The following NPHP4 variants were observed in gnomAD, a reference collection of about 807,000 sequenced individuals.
NPHP4 encodes the protein nephrocystin 4.
NPHP4 carries 151 observed loss-of-function variants against 155.8 expected under a neutral mutation model. That is an observed-to-expected ratio of 0.97 (90% CI 0.85 to 1.11). The LOEUF (loss-of-function observed/expected upper bound fraction) is 1.11. Ranked by LOEUF, NPHP4 falls within the 50% of genes least tolerant of loss-of-function variation. The pLI is 0.00. For synonymous variants in NPHP4, 845 were observed against 816.8 expected, an observed-to-expected ratio of 1.03 and a Z score of -0.59; for missense variants, 1,956 against 1,925.7, an observed-to-expected ratio of 1.02 and a Z score of -0.29.
rs1053540024 is a variant in NPHP4 at position 5,910,616 on chromosome 1, G to A, written c.1442-1403C>T. On this transcript the variant is annotated intron_variant, in intron 11 of 29. Transcript: ENST00000378156. The surrounding 1 kb of genome is among the most constrained non-coding windows in gnomAD (Gnocchi z 5.4). The stretch of plus-strand genomic sequence containing the variant: ...AGCACAGAGGCCTGTGACGTCAAAC[G>A]CTGGGCACTCTGGATAGAGACTGCT... 1.3e-5 allele frequency among the ~76,000 whole-genome samples: 2 copies of A among 152,166 alleles called. No individual in the cohort carries two copies. Among genetic ancestry groups the A allele is most frequent in the Admixed American group, 6.5e-5 (1 of 15,280 alleles).
intron 9 of NPHP4, among the ~76,000 whole-genome samples, chr1:5,940,594 G>A (rs1315973049): frequency 6.6e-6 from 1 of 152,074 alleles, no homozygotes; most frequent in Non-Finnish European, 1.5e-5. Context: ...TACATAAAAT[G>A]CTAGTAAAAT....
chr1:5,948,330 CAG>C (rs1472920481), intron 7 of NPHP4, 79 bp from the exon 8 acceptor site: 1 of 1,104,880 alleles, frequency 9.1e-7, no homozygotes, highest in African/African-American at 1.6e-5. Flanking sequence ...GGGAGGCGAG[CAG>C]AGAGAAGAAA....
intron 3 of NPHP4, among the ~76,000 whole-genome samples, chr1:5,972,382 C>T (rs1403628488): frequency 1.3e-5 from 2 of 152,160 alleles, no homozygotes; most frequent in African/African-American, 4.8e-5. Flanking sequence ...AGCAAAGCAT[C>T]ATGACAGGGA....
intron 23 of NPHP4, among the ~76,000 whole-genome samples, chr1:5,871,303 G>C (rs1261910093): frequency 6.6e-6 from 1 of 152,194 alleles, no homozygotes; most frequent in African/African-American, 2.4e-5. Flanking sequence ...GGTGGCCTGA[G>C]AGAGGGCAGT....
At chr1:5,870,634 AG>A (rs1229143219) in intron 23 of NPHP4, among the ~76,000 whole-genome samples, 1 of 152,232 alleles carries the variant, frequency 6.6e-6, no homozygotes, top group Admixed American at 6.5e-5. Flanking sequence ...CTGATATTAC[AG>A]GAAAAAAGCA....
chr1:5,921,174 T>C (rs1279224149), intron 11 of NPHP4, among the ~76,000 whole-genome samples: 2 of 152,234 alleles, frequency 1.3e-5, no homozygotes, highest in Admixed American at 6.5e-5. Flanking sequence ...CAACATGCCT[T>C]TGTGAAGGTT....
chr1:5,955,872 C>T (rs952690558), intron 6 of NPHP4, among the ~76,000 whole-genome samples: 40 of 152,124 alleles, frequency 2.6e-4, no homozygotes, highest in African/African-American at 9.7e-4. Flanking sequence ...AGAAGAGCAG[C>T]TAGAAGAGCG....
Position 5,863,996 on chromosome 1 carries a change from C to A in NPHP4, c.4034G>T (p.Gly1345Val). ...GGTGTAGGTGATCCTCTTGTTGACA[C>A]CCTTCCCTTCGCCCGCAGCCAACAT... is the stretch of plus-strand genomic sequence containing the variant. ...EIMLAAGEGK[G>V]VNKRITYTNP... The change falls in exon 29 of 30, where the codon GGT (glycine) becomes GTT (valine). Residue 1345 changes from glycine to valine, a missense_variant. Gly to Val is a moderately radical substitution (Grantham distance 109, BLOSUM62 -3). Coordinates refer to ENST00000378156, the MANE Select transcript of NPHP4 (RefSeq NM_015102.5). 6.2e-7 allele frequency: 1 copy of A among 1,613,754 alleles called. No homozygotes were observed. Among genetic ancestry groups the A allele is most frequent in the South Asian group, 1.1e-5 (1 of 91,040 alleles).
chr1:5,874,434 G>C lies in NPHP4; in HGVS notation c.3231+37C>G, dbSNP rs1346083268. ...CATTCTCAATTTCCCACCGTCATCAGCCAAATGCAACTTCCCTGTGTGCCT... is the reference window on the plus strand; with the variant it reads ...CATTCTCAATTTCCCACCGTCATCACCCAAATGCAACTTCCCTGTGTGCCT... On this transcript the variant is annotated intron_variant, in intron 22 of 29. Transcript: ENST00000378156. The C allele has an allele frequency of 2.7e-6, 4 of 1,479,110 alleles. No homozygotes were observed. The Admixed American group carries it at 9.7e-5, about 36-fold the overall frequency. 91.6% of individuals were successfully genotyped at this position (1,479,110 alleles called of 1,614,324 possible). A position where few individuals can be genotyped will look rare whatever the true frequency, so the allele number is the denominator to read the frequency against.
intron 23 of NPHP4, among the ~76,000 whole-genome samples, chr1:5,869,788 GA>G (rs1238447468): frequency 6.6e-6 from 1 of 152,196 alleles, no homozygotes; most frequent in Non-Finnish European, 1.5e-5. Context: ...ATATACAGAG[GA>G]AATTAGGCAA....
At chr1:5,954,147 AAGAC>A (rs1648739881) in intron 6 of NPHP4, among the ~76,000 whole-genome samples, 1 of 152,216 alleles carries the variant, frequency 6.6e-6, no homozygotes, top group African/African-American at 2.4e-5. Flanking sequence ...AAAATAATCA[AAGAC>A]AGAAGCAAAG....
intron 9 of NPHP4, among the ~76,000 whole-genome samples, chr1:5,938,349 C>T (rs1263499394): frequency 1.3e-5 from 2 of 152,348 alleles, no homozygotes; most frequent in African/African-American, 2.4e-5. Flanking sequence ...GCGTTGGTGC[C>T]TCTACCTCCT....
intron 16 of NPHP4, among the ~76,000 whole-genome samples, chr1:5,896,902 A>T (rs994106759): frequency 6.6e-6 from 1 of 152,186 alleles, no homozygotes; most frequent in African/African-American, 2.4e-5. Flanking sequence ...TCCCGGAATA[A>T]TAATGAGTGC....
In NPHP4 at chr1:5,905,560, G is replaced by C. The variant is rs1462178733; in HGVS notation, c.1763+72C>G. 6.9e-6 allele frequency: 11 copies of C among 1,602,318 alleles called. No homozygotes were observed. The highest frequency in any genetic ancestry group is 6.6e-5 in the South Asian group (6 of 90,522). On this transcript the variant is annotated intron_variant, in intron 14 of 29. Transcript: ENST00000378156. This position sits in a 1 kb window ranked among gnomAD's most constrained non-coding sequence, Gnocchi z 4.0. The stretch of plus-strand genomic sequence containing the variant: ...GATGCACCTCCCTGTGGAAACCCTG[G>C]GGTTCACAAGGTCCAACAGTCTGAC...
chr1:5,949,343 T>TACACACACACACACAC (rs140032819), intron 7 of NPHP4, among the ~76,000 whole-genome samples: 9,160 of 140,768 alleles, frequency 0.065, 377 homozygotes, highest in South Asian at 0.12. Flanking sequence ...TTCACATACA[T>TACACACACACACACAC]ACACACACAC....
chr1:5,929,064 C>A (rs1372340315), intron 10 of NPHP4, among the ~76,000 whole-genome samples: 1 of 152,146 alleles, frequency 6.6e-6, no homozygotes, highest in Non-Finnish European at 1.5e-5. Flanking sequence ...GCTTTGTAAA[C>A]AATACTGTTT....
At position 5,927,798 on chromosome 1, in the gene NPHP4, C is replaced by G. The variant is rs372157198; in HGVS notation, c.1303-11G>C. The G allele has an allele frequency of 6.2e-7, 1 of 1,605,604 alleles. No individual in the cohort carries two copies. Among genetic ancestry groups the G allele is most frequent in the Non-Finnish European group, 8.5e-7 (1 of 1,173,098 alleles). ...CTCCACCTGCTTCACCTGCAATGGA[C>G]CAGAAGAGCAGTGATGGCCACTCCC... On this transcript the variant is annotated splice_polypyrimidine_tract_variant and intron_variant, in intron 10 of 29. Transcript: ENST00000378156.
At chr1:5,933,517 TAG>T (rs1350228740) in intron 9 of NPHP4, among the ~76,000 whole-genome samples, 188 bp from the exon 10 acceptor site, 1 of 152,200 alleles carries the variant, frequency 6.6e-6, no homozygotes, top group East Asian at 1.9e-4. Context: ...GTGCAGACAG[TAG>T]GGCACAGATA....
In NPHP4 at chr1:5,890,954, G is replaced by C; in HGVS notation, c.2218C>G (p.Arg740Gly). ...LKPGERRCFA[R>G]YLAVQTLQID... Reference sequence around the variant, plus strand: ...TGCAGGGTCTGCACGGCCAGGTAGCGGGCAAAGCAGCGCCGCTCACCTGGC... The same window carrying C: ...TGCAGGGTCTGCACGGCCAGGTAGCCGGCAAAGCAGCGCCGCTCACCTGGC... Residue 740 changes from arginine (R) to glycine (G), a missense_variant, in exon 17 of 30, where the codon CGC becomes GGC. Coordinates refer to ENST00000378156, the MANE Select transcript of NPHP4 (RefSeq NM_015102.5). The surrounding 1 kb of genome is among the most constrained non-coding windows in gnomAD (Gnocchi z 4.9). 4 of 1,603,346 alleles carry C rather than the reference G, an allele frequency of 2.5e-6. No individual in the cohort carries two copies. The highest frequency in any genetic ancestry group is 1.1e-5 in the South Asian group (1 of 90,024).
Sources: allele counts gnomAD v4.1 joint callset (sites outside exome capture counted in the v4.1 genomes callset), GRCh38; gene constraint gnomAD v4.1.1; non-coding constraint Gnocchi (gnomAD v3.1); transcripts MANE v1.5; gene names NCBI Gene and HGNC (gene_info 2026-07-23, HGNC 2026-07-21).